The following MINDY4 variants were observed in gnomAD, a reference collection of about 807,000 sequenced individuals.
MINDY4 encodes the protein MINDY lysine 48 deubiquitinase 4, also known as probable ubiquitin carboxyl-terminal hydrolase MINDY-4.
A neutral mutation model predicts 87.0 loss-of-function variants in MINDY4; 68 were observed. The observed-to-expected ratio is 0.78, with a 90% CI of 0.64 to 0.96. The LOEUF is 0.96. Among genes scored for constraint, MINDY4 ranks in the 40% least tolerant of loss-of-function variants. MINDY4 has a pLI of 0.00. For missense variants in MINDY4, 919 were observed against 928.2 expected, an observed-to-expected ratio of 0.99 and a Z score of 0.13; for synonymous variants, 379 against 363.2, an observed-to-expected ratio of 1.04 and a Z score of -0.50.
intron 5 of MINDY4, among the ~76,000 whole-genome samples, chr7:30,815,550 C>A (rs117251651): frequency 0.024 from 3,685 of 152,246 alleles, 87 homozygotes; most frequent in Non-Finnish European, 0.038. Flanking sequence ...GGAGGTGAGA[C>A]CAAGATGAAG....
chr7:30,819,492 T>G (rs1329358160), intron 5 of MINDY4, among the ~76,000 whole-genome samples: 1 of 152,208 alleles, frequency 6.6e-6, no homozygotes, highest in East Asian at 1.9e-4. Context: ...GGATCAAACA[T>G]GTTAATTTAG....
intron 13 of MINDY4, among the ~76,000 whole-genome samples, chr7:30,865,828 C>G (rs759610302): frequency 3.3e-5 from 5 of 152,200 alleles, no homozygotes; most frequent in African/African-American, 1.2e-4. Context: ...GCTCCTGGCT[C>G]TCAATCGAAG....
intron 9 of MINDY4, among the ~76,000 whole-genome samples, chr7:30,849,158 G>A (rs1789319729): frequency 6.6e-6 from 1 of 152,164 alleles, no homozygotes; most frequent in Non-Finnish European, 1.5e-5. Flanking sequence ...CACTGTGGTG[G>A]GCTGGGTTCT....
At position 30,857,508 on chromosome 7, in the gene MINDY4, T is replaced by C. The variant is rs1286665063; in HGVS notation, c.1678-1749T>C. On this transcript the variant is annotated intron_variant, in intron 12 of 17. Coordinates refer to ENST00000265299, the MANE Select transcript of MINDY4 (RefSeq NM_032222.3). ...TTTTTTTTGAGACGGAGTCTCGCTC[T>C]GTCGCCCAGGCTGGAGTGCAGTGGC... Among the ~76,000 whole-genome samples, 4 of 104,240 alleles carry C rather than the reference T, an allele frequency of 3.8e-5. 1 individual carries two copies. Among genetic ancestry groups the C allele is most frequent in the Non-Finnish European group, 6.8e-5 (4 of 58,956 alleles). The allele number at this position is 104,240 out of a possible 152,430, so 68.4% of individuals were successfully genotyped here.
At chr7:30,796,902 A>AG (rs1787507445) in intron 5 of MINDY4, 2 of 151,856 alleles carry the variant, frequency 1.3e-5, no homozygotes. Flanking sequence ...ACCCTCAAAA[A>AG]AAAAAAAAAG....
chr7:30,877,784 G>C (rs565377375), intron 15 of MINDY4, among the ~76,000 whole-genome samples: 1 of 125,830 alleles, frequency 7.9e-6, no homozygotes, highest in East Asian at 2.5e-4. Flanking sequence ...CAATTCTTCT[G>C]CCTCAGCCTC....
At chr7:30,787,019 T>C (rs910566836) in intron 4 of MINDY4, among the ~76,000 whole-genome samples, 3 of 152,238 alleles carry the variant, frequency 2.0e-5, no homozygotes, top group Non-Finnish European at 4.4e-5. Context: ...TGTTTAGGTG[T>C]GGGTGCAGGT....
At chr7:30,831,423 G>T (rs1034822822) in intron 6 of MINDY4, among the ~76,000 whole-genome samples, 3 of 152,138 alleles carry the variant, frequency 2.0e-5, no homozygotes, top group African/African-American at 4.8e-5. Context: ...TCCATCATGG[G>T]TGCTAAAGAA....
At chr7:30,802,955 CAACCAACCT>C (rs1264462276) in intron 5 of MINDY4, 1 of 152,290 alleles carries the variant, frequency 6.6e-6, no homozygotes, top group East Asian at 1.9e-4. Context: ...CCCACCCAAC[CAACCAACCT>C]AACCAACCCG....
At chr7:30,834,552 C>G (rs1788803472) in intron 6 of MINDY4, among the ~76,000 whole-genome samples, 1 of 152,230 alleles carries the variant, frequency 6.6e-6, no homozygotes, top group African/African-American at 2.4e-5. Context: ...ACGTTTTCCC[C>G]ATTGTCTTGT....
chr7:30,809,407 A>C (rs1301531456), intron 5 of MINDY4, among the ~76,000 whole-genome samples: 1 of 151,562 alleles, frequency 6.6e-6, no homozygotes, highest in Admixed American at 6.6e-5. Flanking sequence ...GGATGATTTA[A>C]TATTAACCAC....
At position 30,846,871 on chromosome 7, in the gene MINDY4, T is replaced by A. The variant is rs551879310; in HGVS notation, c.1446-3583T>A. The stretch of plus-strand genomic sequence containing the variant: ...CTCGCATGCACAATTCACAATAGGG[T>A]TCCTGCCCCCACGAGAGTCTTATGC... On this transcript the variant is annotated intron_variant, in intron 9 of 17. Coordinates refer to ENST00000265299, the MANE Select transcript of MINDY4 (RefSeq NM_032222.3). Among the ~76,000 whole-genome samples, 3 of 152,158 alleles carry A rather than the reference T, an allele frequency of 2.0e-5. No homozygotes were observed. The South Asian group carries it at 6.3e-4, about 32-fold the overall frequency.
intron 6 of MINDY4, among the ~76,000 whole-genome samples, chr7:30,833,052 CT>C (rs1236202496): frequency 6.6e-6 from 1 of 152,146 alleles, no homozygotes; most frequent in African/African-American, 2.4e-5. Context: ...TGGTTTCTTA[CT>C]TTCTCTACCC....
intron 15 of MINDY4, among the ~76,000 whole-genome samples, chr7:30,879,458 C>T (rs1228904444): frequency 1.3e-5 from 2 of 152,316 alleles, no homozygotes; most frequent in East Asian, 3.9e-4. Flanking sequence ...TTATGGCAGC[C>T]CGAGCAGACT....
At position 30,892,062 on chromosome 7, in the gene MINDY4, G is replaced by A. The variant is rs2128584727; in HGVS notation, c.*57G>A. The A allele has an allele frequency of 6.3e-7, 1 of 1,592,264 alleles. No homozygotes were observed. The highest frequency in any genetic ancestry group is 8.6e-7 in the Non-Finnish European group (1 of 1,160,234). On this transcript the variant is annotated 3_prime_UTR_variant, in exon 18 of 18. Transcript: ENST00000265299. ...CACTCATCACCTCATCACCGAGGAT[G>A]ACAGCTGAACCCCAAGCCTCTGGGG...
Position 30,892,049 on chromosome 7 carries a change from C to A in MINDY4, c.*44C>A. On this transcript the variant is annotated 3_prime_UTR_variant, in exon 18 of 18. Coordinates refer to ENST00000265299, the MANE Select transcript of MINDY4 (RefSeq NM_032222.3). ...CCCTGTGGTCCACCACTCATCACCT[C>A]ATCACCGAGGATGACAGCTGAACCC... 2 of 1,605,550 alleles carry A rather than the reference C, an allele frequency of 1.2e-6. No individual in the cohort carries two copies. The highest frequency in any genetic ancestry group is 1.7e-6 in the Non-Finnish European group (2 of 1,172,208).
intron 6 of MINDY4, among the ~76,000 whole-genome samples, chr7:30,834,724 C>T (rs771911478): frequency 3.3e-5 from 5 of 152,166 alleles, no homozygotes; most frequent in Non-Finnish European, 5.9e-5. Context: ...CCTTTAACAG[C>T]ACTCAAGTCG....
At chr7:30,855,285 C>T (rs1733367091) in intron 12 of MINDY4, among the ~76,000 whole-genome samples, 1 of 152,282 alleles carries the variant, frequency 6.6e-6, no homozygotes, top group African/African-American at 2.4e-5. Flanking sequence ...GAACCTTAAA[C>T]ACTTGGAGAA....
intron 5 of MINDY4, among the ~76,000 whole-genome samples, chr7:30,792,202 C>T (rs6948085): frequency 0.56 from 84,560 of 152,042 alleles, 24,040 homozygotes; most frequent in African/African-American, 0.67. Context: ...TGATTGATTT[C>T]TGAATGTTAA....
Sources: allele counts gnomAD v4.1 joint callset (sites outside exome capture counted in the v4.1 genomes callset), GRCh38; gene constraint gnomAD v4.1.1; transcripts MANE v1.5; gene names NCBI Gene and HGNC (gene_info 2026-07-23, HGNC 2026-07-21).